Variants in VPS8 observed in about 807,000 individuals in gnomAD.
VPS8 encodes the protein vacuolar protein sorting-associated protein 8 homolog.
A neutral mutation model predicts 216.4 loss-of-function variants in VPS8; 129 were observed. That is an observed-to-expected ratio of 0.60 (90% CI 0.52 to 0.69). The LOEUF (loss-of-function observed/expected upper bound fraction) is 0.69, where lower values mean the gene tolerates loss of function less well. Among genes scored for constraint, VPS8 ranks in the 30% least tolerant of loss-of-function variants. VPS8 has a pLI of 0.00. For missense variants in VPS8, 1,531 were observed against 1,683.5 expected (o/e 0.91, Z 1.59); for synonymous variants, 571 against 565.4 (o/e 1.01, Z -0.14).
At position 184,894,744 on chromosome 3, in the gene VPS8, A is replaced by C. The variant is rs1267906327; in HGVS notation, c.1823A>C (p.Asn608Thr). The change falls in exon 23 of 48, where the codon AAT becomes ACT. Residue 608 changes from asparagine (N) to threonine (T), a missense_variant. Asn to Thr is a moderately conservative substitution (Grantham distance 65). Transcript: ENST00000625842. ...FSQMYDKLSE[N>T]SVAKGVFLEC... ...CAGATGTATGATAAATTAAGTGAGA[A>C]TTCAGTGGCCAAAGGAGTATTTTTG... 18 of 1,608,110 alleles carry C rather than the reference A, an allele frequency of 1.1e-5. No homozygotes were observed. In the Admixed American group the frequency reaches 2.2e-4, roughly 20 times the overall value.
chr3:185,005,700 G>C (rs1478846422), intron 45 of VPS8, among the ~76,000 whole-genome samples: 2 of 151,832 alleles, frequency 1.3e-5, no homozygotes, highest in Non-Finnish European at 2.9e-5. Flanking sequence ...TTCTCAGCTT[G>C]GTCATAGTTG....
chr3:184,954,310 T>G (rs1056143818), intron 36 of VPS8, among the ~76,000 whole-genome samples: 1 of 152,136 alleles, frequency 6.6e-6, no homozygotes, highest in Non-Finnish European at 1.5e-5. Context: ...GAGGCTTTAT[T>G]ATGTAGACGT....
chr3:184,840,037 G>A (rs1721827974), intron 7 of VPS8: 1 of 557,490 alleles, frequency 1.8e-6, no homozygotes, highest in Non-Finnish European at 2.4e-6. Context: ...GGAACCTTGG[G>A]TTATCATCTT....
intron 40 of VPS8, among the ~76,000 whole-genome samples, chr3:184,975,009 C>G (rs1381127757): frequency 6.6e-6 from 1 of 151,990 alleles, no homozygotes; most frequent in Non-Finnish European, 1.5e-5. Flanking sequence ...TAGATGTATC[C>G]TTTTTGTTCA....
chr3:184,932,803 TTTTTATTGTATAGTATTACA>T (rs1314787617), intron 34 of VPS8, among the ~76,000 whole-genome samples: 9 of 152,246 alleles, frequency 5.9e-5, no homozygotes, highest in Non-Finnish European at 1.0e-4. Flanking sequence ...CTGCAGTTGA[TTTTTATTGTATAGTATTACA>T]TTTTATAAGT....
At chr3:184,987,377 G>A (rs1751264375) in intron 42 of VPS8, among the ~76,000 whole-genome samples, 1 of 149,638 alleles carries the variant, frequency 6.7e-6, no homozygotes, top group South Asian at 2.1e-4. Context: ...GCCTCCCAAA[G>A]TGCTGAGATT....
chr3:185,034,609 T>TTTGTTGTTG (rs71632042), intron 46 of VPS8, among the ~76,000 whole-genome samples: 66 of 145,546 alleles, frequency 4.5e-4, no homozygotes, highest in South Asian at 2.8e-3. Context: ...CGTTGATAGT[T>TTTGTTGTTG]TTGTTGTTGT....
Position 185,024,323 on chromosome 3 carries a change from C to T in VPS8, c.4003-13C>T. On this transcript the variant is annotated splice_polypyrimidine_tract_variant and intron_variant, in intron 45 of 47. Coordinates refer to ENST00000625842, the MANE Select transcript of VPS8 (RefSeq NM_001009921.3). ...ACTGAAAGGGTATTAAAATGTTTGCCTTTTTTTTCCAGGTAAAAATGTCTC... is the reference window on the plus strand; with the variant it reads ...ACTGAAAGGGTATTAAAATGTTTGCTTTTTTTTTCCAGGTAAAAATGTCTC... 2 of 1,576,670 alleles carry T rather than the reference C, an allele frequency of 1.3e-6. No homozygotes were observed. Among genetic ancestry groups the T allele is most frequent in the African/African-American group, 1.3e-5 (1 of 74,380 alleles).
intron 25 of VPS8, among the ~76,000 whole-genome samples, chr3:184,902,829 C>CAA (rs200582217): frequency 1.9e-5 from 2 of 107,794 alleles, no homozygotes; most frequent in Admixed American, 1.0e-4. Flanking sequence ...GATGCTGTCT[C>CAA]AAAAAAAAAA....
intron 36 of VPS8, among the ~76,000 whole-genome samples, chr3:184,944,973 G>A (rs959055362): frequency 2.0e-5 from 3 of 151,842 alleles, no homozygotes; most frequent in Non-Finnish European, 2.9e-5. Context: ...CATGAACTTT[G>A]ACATATTAAA....
chr3:184,837,092 C>T (rs1182550063), intron 5 of VPS8, among the ~76,000 whole-genome samples: 3 of 152,056 alleles, frequency 2.0e-5, no homozygotes, highest in Admixed American at 6.5e-5. Flanking sequence ...TACAGAATCC[C>T]GAGCATACAG....
intron 21 of VPS8, among the ~76,000 whole-genome samples, chr3:184,878,812 G>T (rs892475497): frequency 1.3e-5 from 2 of 152,158 alleles, no homozygotes; most frequent in African/African-American, 2.4e-5. Context: ...AATCTATATT[G>T]CTGTTTGGGA....
At chr3:184,956,981 T>C (rs1745716686) in intron 36 of VPS8, among the ~76,000 whole-genome samples, 1 of 152,206 alleles carries the variant, frequency 6.6e-6, no homozygotes, top group South Asian at 2.1e-4. Flanking sequence ...TGATTGGTGC[T>C]ATGAAGAATA....
rs756522499 is a variant in VPS8, at chr3:184,915,444, C to T, written c.2352C>T (p.Asp784=). The change falls in exon 28 of 48, where the codon GAC becomes GAT. Residue 784 remains aspartate (D), a synonymous_variant. Transcript: ENST00000625842. ...YPYIRTLLHF[D]TREFLNVLAL... ...ACATTCGGACTTTGCTACATTTTGA[C>T]ACAAGAGAATTTCTAAATGTATTGG... is the stretch of plus-strand genomic sequence containing the variant. The T allele has an allele frequency of 6.2e-7, 1 of 1,613,780 alleles. No homozygotes were observed. The highest frequency in any genetic ancestry group is 1.1e-5 in the South Asian group (1 of 91,074).
intron 7 of VPS8, chr3:184,840,339 T>C (rs1308991454): frequency 6.6e-6 from 1 of 152,228 alleles, no homozygotes; most frequent in Non-Finnish European, 1.5e-5. Flanking sequence ...ATAGTTTCAT[T>C]AAACCTTCTT....
chr3:184,990,514 T>C (rs1314214314), intron 42 of VPS8, among the ~76,000 whole-genome samples: 1 of 152,256 alleles, frequency 6.6e-6, no homozygotes, highest in Non-Finnish European at 1.5e-5. Context: ...CAAATCACTT[T>C]AGTGTTCATT....
intron 46 of VPS8, among the ~76,000 whole-genome samples, chr3:185,048,055 G>C (rs1713336912): frequency 6.6e-6 from 1 of 152,188 alleles, no homozygotes; most frequent in African/African-American, 2.4e-5. Context: ...AATGAGACAG[G>C]GATGAGATTT....
At chr3:184,896,842 A>G (rs1295595663) in intron 23 of VPS8, among the ~76,000 whole-genome samples, 3 of 152,224 alleles carry the variant, frequency 2.0e-5, no homozygotes, top group Non-Finnish European at 4.4e-5. Flanking sequence ...TATAGTAAAG[A>G]GATAATGTGA....
intron 46 of VPS8, among the ~76,000 whole-genome samples, chr3:185,026,804 G>C (rs909733064): frequency 2.0e-5 from 3 of 150,524 alleles, no homozygotes; most frequent in African/African-American, 7.4e-5. Context: ...CGCCTCCTGG[G>C]TTCAAGCGAT....
Sources: allele counts gnomAD v4.1 joint callset (sites outside exome capture counted in the v4.1 genomes callset), GRCh38; gene constraint gnomAD v4.1.1; transcripts MANE v1.5; gene names NCBI Gene and HGNC (gene_info 2026-07-23, HGNC 2026-07-21).